Variants in ITGBL1 observed in about 807,000 individuals in gnomAD.
ITGBL1 encodes the protein integrin subunit beta like 1.
In ITGBL1, 51 loss-of-function variants were observed where a neutral mutation model predicts 68.5. The observed-to-expected ratio is 0.74, with a 90% CI of 0.59 to 0.94. The LOEUF (loss-of-function observed/expected upper bound fraction) is 0.94. Among genes scored for constraint, ITGBL1 ranks in the 40% least tolerant of loss-of-function variants. The probability of loss-of-function intolerance (pLI) is 0.00; values close to 1 mark genes in which losing one functional copy is unlikely to be tolerated. For missense variants in ITGBL1, 649 were observed against 647.4 expected (o/e 1.00, Z -0.03); for synonymous variants, 209 against 227.3 (o/e 0.92, Z 0.72).
Position 101,453,966 on chromosome 13 carries a change from C to T in ITGBL1, c.182C>T (p.Ala61Val). The change falls in exon 2 of 11, where the codon GCG becomes GTG. Residue 61 changes from alanine (A) to valine (V), a missense_variant. Transcript: ENST00000376180. Reference sequence around the variant, plus strand: ...GCACCTGGGCAGCCCCCGGGGGCCGCGCTGTGCCACGGCCGGGGCCGCTGC... The same window carrying T: ...GCACCTGGGCAGCCCCCGGGGGCCGTGCTGTGCCACGGCCGGGGCCGCTGC... Reference protein sequence around the residue: ...CRAPGQPPGAALCHGRGRCDC... With the variant: ...CRAPGQPPGAVLCHGRGRCDC... 6.6e-7 allele frequency: 1 copy of T among 1,518,314 alleles called. No individual in the cohort carries two copies. The highest frequency in any genetic ancestry group is 8.9e-7 in the Non-Finnish European group (1 of 1,129,666). 94.1% of individuals were successfully genotyped at this position (1,518,314 alleles called of 1,614,324 possible).
At chr13:101,598,482 T>C (rs949212565) in intron 7 of ITGBL1, among the ~76,000 whole-genome samples, 183 bp downstream of exon 7, 9 of 152,110 alleles carry the variant, frequency 5.9e-5, no homozygotes, top group African/African-American at 1.9e-4. Context: ...ATGTGCGCAA[T>C]GTGCAGGTTT....
At chr13:101,706,231 C>A (rs184860744) in intron 8 of ITGBL1, among the ~76,000 whole-genome samples, 95 of 152,266 alleles carry the variant, frequency 6.2e-4, no homozygotes, top group African/African-American at 2.3e-3. Context: ...TAGAGAGACA[C>A]CATTACTTCC....
chr13:101,593,011 T>C (rs2050681476), intron 6 of ITGBL1, among the ~76,000 whole-genome samples: 1 of 152,070 alleles, frequency 6.6e-6, no homozygotes, highest in African/African-American at 2.4e-5. Flanking sequence ...AGTTGCAAAC[T>C]ATATATCTGA....
chr13:101,581,679 A>G (rs1389218111), intron 5 of ITGBL1, among the ~76,000 whole-genome samples: 2 of 152,228 alleles, frequency 1.3e-5, no homozygotes, highest in Non-Finnish European at 2.9e-5. Flanking sequence ...CTAATTCCCC[A>G]TTGAACAATA....
chr13:101,470,804 A>C (rs1441368633), intron 2 of ITGBL1, among the ~76,000 whole-genome samples: 1 of 152,156 alleles, frequency 6.6e-6, no homozygotes, highest in East Asian at 1.9e-4. Context: ...TAATCATCCT[A>C]TATGCTTATT....
chr13:101,530,163 A>G (rs1041382955), intron 2 of ITGBL1, among the ~76,000 whole-genome samples: 1 of 152,140 alleles, frequency 6.6e-6, no homozygotes, highest in Non-Finnish European at 1.5e-5. Context: ...GACAAGTCTT[A>G]CTTTAGTACG....
At chr13:101,567,012 A>C (rs1448720959) in intron 2 of ITGBL1, among the ~76,000 whole-genome samples, 1 of 152,158 alleles carries the variant, frequency 6.6e-6, no homozygotes, top group Non-Finnish European at 1.5e-5. Flanking sequence ...CACTTCTGTC[A>C]GACTAATGTG....
At chr13:101,460,457 C>A (rs200507257) in intron 2 of ITGBL1, among the ~76,000 whole-genome samples, 1 of 152,120 alleles carries the variant, frequency 6.6e-6, no homozygotes, top group Non-Finnish European at 1.5e-5. Flanking sequence ...CATCTGTGTT[C>A]GATAAATGCA....
intron 2 of ITGBL1, among the ~76,000 whole-genome samples, chr13:101,553,648 C>T (rs933633006): frequency 5.9e-5 from 9 of 151,906 alleles, no homozygotes; most frequent in African/African-American, 1.2e-4. Flanking sequence ...GAGGGTTATG[C>T]GAGTGGCTCT....
rs16958998 is a variant in ITGBL1 at position 101,524,988 on chromosome 13, A to G, written c.317-42711A>G. Among the ~76,000 whole-genome samples, 1,275 of 152,268 alleles carry G rather than the reference A, an allele frequency of 8.4e-3. 16 individuals carry two copies. The highest frequency in any genetic ancestry group is 0.029 in the African/African-American group (1,207 of 41,542). On this transcript the variant is annotated intron_variant, in intron 2 of 10. Transcript: ENST00000376180. ...TTGTATGTTTGTTGGTGAAAGGATG[A>G]ATGAATACCTATAATTGAAATTTTA...
At chr13:101,553,940 A>C (rs1381985330) in intron 2 of ITGBL1, among the ~76,000 whole-genome samples, 4 of 151,844 alleles carry the variant, frequency 2.6e-5, no homozygotes, top group African/African-American at 4.8e-5. Flanking sequence ...ACACTCAGCT[A>C]ATTTTGTATT....
chr13:101,549,409 T>A (rs1187715608), intron 2 of ITGBL1, among the ~76,000 whole-genome samples: 1 of 151,856 alleles, frequency 6.6e-6, no homozygotes, highest in East Asian at 1.9e-4. Context: ...AAACTTAGAA[T>A]TCATAAATTA....
At chr13:101,633,139 A>G (rs1464670903) in intron 7 of ITGBL1, among the ~76,000 whole-genome samples, 1 of 152,214 alleles carries the variant, frequency 6.6e-6, no homozygotes, top group Non-Finnish European at 1.5e-5. Context: ...CAAAGAGTAC[A>G]TGGATATCAG....
At chr13:101,700,074 A>G (rs967197665) in intron 8 of ITGBL1, among the ~76,000 whole-genome samples, 5 of 152,186 alleles carry the variant, frequency 3.3e-5, no homozygotes, top group African/African-American at 7.2e-5. Flanking sequence ...TTTAAGTGCC[A>G]TCCACATTTG....
At chr13:101,458,303 A>G (rs2048271857) in intron 2 of ITGBL1, among the ~76,000 whole-genome samples, 1 of 152,232 alleles carries the variant, frequency 6.6e-6, no homozygotes, top group South Asian at 2.1e-4. Context: ...TTAATCCAAA[A>G]AGTGGACTGT....
intron 2 of ITGBL1, among the ~76,000 whole-genome samples, chr13:101,527,893 A>G (rs1346316956): frequency 6.6e-6 from 1 of 151,990 alleles, no homozygotes; most frequent in Non-Finnish European, 1.5e-5. Flanking sequence ...ACTCAGAAGA[A>G]CATTTATATA....
intron 2 of ITGBL1, among the ~76,000 whole-genome samples, chr13:101,553,481 T>A (rs1204436052): frequency 6.6e-6 from 1 of 152,166 alleles, no homozygotes; most frequent in East Asian, 1.9e-4. Context: ...TTCCTACAAT[T>A]TTTGAAGACT....
chr13:101,594,699 A>G (rs1583524), intron 6 of ITGBL1, among the ~76,000 whole-genome samples: 28,959 of 152,136 alleles, frequency 0.19, 3,005 homozygotes, highest in Admixed American at 0.25. Context: ...AGGGGTTAAT[A>G]TTCAAAATAT....
intron 2 of ITGBL1, among the ~76,000 whole-genome samples, chr13:101,471,648 C>T (rs2048462389): frequency 6.6e-6 from 1 of 151,864 alleles, no homozygotes; most frequent in East Asian, 1.9e-4. Flanking sequence ...TGAAGGCTGG[C>T]TGCATTCTGC....
Sources: allele counts gnomAD v4.1 joint callset (sites outside exome capture counted in the v4.1 genomes callset), GRCh38; gene constraint gnomAD v4.1.1; transcripts MANE v1.5; gene names NCBI Gene and HGNC (gene_info 2026-07-23, HGNC 2026-07-21).